The following CSMD2 variants were observed in gnomAD, a reference collection of about 807,000 sequenced individuals.
CSMD2 encodes CUB and Sushi multiple domains 2, also known as CUB and sushi domain-containing protein 2.
CSMD2 carries 130 observed loss-of-function variants against 398.5 expected under a neutral mutation model. That is an observed-to-expected ratio of 0.33 (90% CI 0.28 to 0.38). CSMD2 has a LOEUF of 0.38. Among genes scored for constraint, CSMD2 ranks in the 10% least tolerant of loss-of-function variants. The pLI is 1.00. For synonymous variants in CSMD2, 1,828 were observed against 1,908.5 expected (o/e 0.96, Z 1.10); for missense variants, 3,829 against 4,764.9 (o/e 0.80, Z 5.78).
At position 33,730,113 on chromosome 1, in the gene CSMD2, T is replaced by A. The variant is rs185664293; in HGVS notation, c.2369-3428A>T. Among the ~76,000 whole-genome samples, 1,233 of 151,240 alleles carry A rather than the reference T, an allele frequency of 8.2e-3. 8 individuals are homozygous for A. The highest frequency in any genetic ancestry group is 0.013 in the Admixed American group (199 of 15,270). On this transcript the variant is annotated intron_variant, in intron 15 of 70. Transcript: ENST00000373381. ...TAGGGTAATCAACAAAATGGACTAT[T>A]TATGCAGCTATAAAACAAGAATGAG...
intron 3 of CSMD2, among the ~76,000 whole-genome samples, chr1:34,020,093 T>C (rs1379420857): frequency 6.6e-6 from 1 of 152,078 alleles, no homozygotes. Context: ...CAGGAGGTGC[T>C]AGGGAGTGAT....
At chr1:33,769,027 A>G (rs1388526480) in intron 13 of CSMD2, among the ~76,000 whole-genome samples, 1 of 152,204 alleles carries the variant, frequency 6.6e-6, no homozygotes, top group East Asian at 1.9e-4. Flanking sequence ...TAATGGATTG[A>G]TAATTGGTTT....
intron 53 of CSMD2, among the ~76,000 whole-genome samples, chr1:33,564,252 C>T (rs565628614): frequency 6.6e-6 from 1 of 152,296 alleles, no homozygotes; most frequent in Non-Finnish European, 1.5e-5. Context: ...TGAGGTAAAT[C>T]GACCTACCTA....
At chr1:33,980,854 T>C (rs558753882) in intron 3 of CSMD2, among the ~76,000 whole-genome samples, 77 of 152,244 alleles carry the variant, frequency 5.1e-4, no homozygotes, top group Middle Eastern at 6.8e-3. Flanking sequence ...TAAAGTGGTA[T>C]TGGAACTCAG....
At chr1:33,955,567 A>C (rs1028019698) in intron 3 of CSMD2, among the ~76,000 whole-genome samples, 1 of 152,180 alleles carries the variant, frequency 6.6e-6, no homozygotes, top group African/African-American at 2.4e-5. Context: ...ACTCATGGGC[A>C]ATCTTAACGA....
At chr1:33,732,484 G>T (rs1380388179) in intron 15 of CSMD2, among the ~76,000 whole-genome samples, 1 of 152,210 alleles carries the variant, frequency 6.6e-6, no homozygotes, top group African/African-American at 2.4e-5. Flanking sequence ...CACCAGGGGT[G>T]CATGTGCACA....
intron 68 of CSMD2, 94 bp from the exon 69 acceptor site, chr1:33,520,044 G>C: frequency 6.8e-6 from 10 of 1,461,250 alleles, no homozygotes. Flanking sequence ...GGGAAGCAGG[G>C]CTGCCACTCA....
intron 5 of CSMD2, among the ~76,000 whole-genome samples, chr1:33,889,797 G>A (rs538877816): frequency 7.3e-4 from 111 of 151,024 alleles, no homozygotes; most frequent in Admixed American, 1.3e-3. Context: ...ATGCGCCAGC[G>A]TGTGTGTGTG....
At chr1:33,787,748 G>A (rs960204808) in intron 12 of CSMD2, among the ~76,000 whole-genome samples, 17 of 152,148 alleles carry the variant, frequency 1.1e-4, no homozygotes, top group Admixed American at 4.6e-4. Context: ...AGGGACTGGC[G>A]TTAGCTGTTA....
intron 3 of CSMD2, among the ~76,000 whole-genome samples, chr1:34,023,752 T>C (rs146716029): frequency 3.3e-5 from 5 of 152,304 alleles, no homozygotes; most frequent in African/African-American, 9.6e-5. Context: ...ATGCTCACAG[T>C]CCTCTTGAAA....
At chr1:33,586,730 A>G (rs1639104074) in intron 45 of CSMD2, 113 bp from the exon 46 acceptor site, 1 of 687,390 alleles carries the variant, frequency 1.5e-6, no homozygotes, top group Non-Finnish European at 2.6e-6. Context: ...TCAGACTTAA[A>G]TAACTAGCTC....
In CSMD2 at chr1:33,928,931, C is replaced by A. The variant is rs866581302; in HGVS notation, c.712+6829G>T. On this transcript the variant is annotated intron_variant, in intron 4 of 70. Transcript: ENST00000373381. ...TTGCCCTCTTATGCCTTTCCCAGAT[C>A]TCTTTCTAGCTTAGGACTCCTTCCA... 6.6e-5 allele frequency among the ~76,000 whole-genome samples: 10 copies of A among 152,322 alleles called. No individual in the cohort carries two copies. In the South Asian group the frequency reaches 1.7e-3, roughly 25 times the overall value.
chr1:33,892,565 T>TA (rs1201246103), intron 5 of CSMD2, among the ~76,000 whole-genome samples: 3 of 152,184 alleles, frequency 2.0e-5, no homozygotes, highest in African/African-American at 7.2e-5. Flanking sequence ...AGTGAGAACA[T>TA]ACGGCATTTG....
intron 6 of CSMD2, among the ~76,000 whole-genome samples, chr1:33,827,562 A>T (rs777209374): frequency 2.0e-4 from 31 of 152,252 alleles, no homozygotes; most frequent in Middle Eastern, 3.4e-3. Flanking sequence ...CTCCTTCCCA[A>T]CGTTATCTTC....
At chr1:33,896,631 A>G (rs1642403222) in intron 5 of CSMD2, among the ~76,000 whole-genome samples, 2 of 152,116 alleles carry the variant, frequency 1.3e-5, no homozygotes, top group South Asian at 2.1e-4. Flanking sequence ...ACTGGAACCA[A>G]GAAGAGGGGT....
chr1:33,709,657 A>T (rs913255281), intron 21 of CSMD2, among the ~76,000 whole-genome samples: 2 of 152,152 alleles, frequency 1.3e-5, no homozygotes, highest in Non-Finnish European at 2.9e-5. Context: ...AAGTGAGGAG[A>T]GATGAAGCCT....
chr1:33,584,352 C>T (rs1322478352), intron 46 of CSMD2, among the ~76,000 whole-genome samples: 2 of 152,144 alleles, frequency 1.3e-5, no homozygotes, highest in Non-Finnish European at 2.9e-5. Flanking sequence ...TAACACAGAC[C>T]TTACAGGGCT....
intron 5 of CSMD2, among the ~76,000 whole-genome samples, chr1:33,905,587 C>T (rs58180264): frequency 0.014 from 2,066 of 152,228 alleles, 48 homozygotes; most frequent in African/African-American, 0.048. Context: ...TGAGCCATTC[C>T]GTGGTAGCTG....
At chr1:34,126,576 A>G (rs2148484583) in intron 1 of CSMD2, among the ~76,000 whole-genome samples, 1 of 152,054 alleles carries the variant, frequency 6.6e-6, no homozygotes, top group South Asian at 2.1e-4. Context: ...CAAAATCTAC[A>G]CCCTTTGGGA....
Sources: gnomAD v4.1 joint callset for allele counts (sites outside exome capture counted in the v4.1 genomes callset) on GRCh38, gnomAD v4.1.1 for gene constraint, MANE v1.5 for transcripts, NCBI Gene and HGNC (gene_info 2026-07-23, HGNC 2026-07-21) for gene names.